The following SLC38A7 variants were observed in gnomAD, a reference collection of about 807,000 sequenced individuals.
SLC38A7 encodes sodium-coupled neutral amino acid transporter 7.
In SLC38A7, 29 loss-of-function variants were observed where a neutral mutation model predicts 50.1. The observed-to-expected ratio is 0.58, with a 90% CI of 0.43 to 0.79. The LOEUF (loss-of-function observed/expected upper bound fraction) is 0.79, where lower values mean the gene tolerates loss of function less well. SLC38A7 is among the 30% of genes least tolerant of loss of function. SLC38A7 has a pLI of 0.00. For synonymous variants in SLC38A7, 244 were observed against 245.9 expected, an observed-to-expected ratio of 0.99 and a Z score of 0.07; for missense variants, 483 against 610.6, an observed-to-expected ratio of 0.79 and a Z score of 2.20.
In SLC38A7 at chr16:58,680,153, G is replaced by A. The variant is rs1335456548; in HGVS notation, c.-27C>T. Reference sequence around the variant, plus strand: ...GCCCCGAGAGCCTTCTTCCTGCAAGGTCTGTGGGTTCTGCCTTACAACCAC... The same window carrying A: ...GCCCCGAGAGCCTTCTTCCTGCAAGATCTGTGGGTTCTGCCTTACAACCAC... On this transcript the variant is annotated 5_prime_UTR_variant, in exon 3 of 12. Transcript: ENST00000219320. The A allele has an allele frequency of 2.6e-6, 4 of 1,509,546 alleles. No individual in the cohort carries two copies. In the African/African-American group the frequency reaches 4.2e-5, roughly 16 times the overall value. 93.5% of individuals were successfully genotyped at this position (1,509,546 alleles called of 1,614,324 possible).
intron 6 of SLC38A7, among the ~76,000 whole-genome samples, chr16:58,676,810 C>G (rs940287482): frequency 6.6e-6 from 1 of 152,032 alleles, no homozygotes; most frequent in East Asian, 1.9e-4. Flanking sequence ...TGCCACCACA[C>G]CCGGCTAATT....
chr16:58,667,604 T>C (rs951555013), intron 11 of SLC38A7, 117 bp from the exon 12 acceptor site: 30 of 747,940 alleles, frequency 4.0e-5, no homozygotes, highest in Admixed American at 6.7e-5. Flanking sequence ...GGTAGAGCAC[T>C]TCCTACTTCC....
chr16:58,669,304 G>A (rs1389921289), intron 11 of SLC38A7, among the ~76,000 whole-genome samples: 2 of 150,208 alleles, frequency 1.3e-5, no homozygotes, highest in Non-Finnish European at 3.0e-5. Flanking sequence ...TAGTAGAGAT[G>A]GGGTTTCACC....
chr16:58,672,304 C>G, intron 8 of SLC38A7, 61 bp from the exon 9 acceptor site: 1 of 1,514,508 alleles, frequency 6.6e-7, no homozygotes, highest in Non-Finnish European at 8.9e-7. Context: ...GGACTGTCCA[C>G]TCCTCCTAGG....
chr16:58,677,918 CT>C (rs1317675209), intron 5 of SLC38A7, among the ~76,000 whole-genome samples: 1 of 151,998 alleles, frequency 6.6e-6, no homozygotes, highest in Non-Finnish European at 1.5e-5. Flanking sequence ...ATCCCACAGC[CT>C]TTCAGACACC....
chr16:58,678,505 C>T lies in SLC38A7; in HGVS notation c.470-31G>A. 6.5e-7 allele frequency: 1 copy of T among 1,543,864 alleles called. No individual in the cohort carries two copies. Among genetic ancestry groups the T allele is most frequent in the Non-Finnish European group, 8.8e-7 (1 of 1,142,520 alleles). ...CAGGGAGGAAGGAGGGAATGTCAAG[C>T]CAGGCCACCATGGGGTGTGGCCCTC... On this transcript the variant is annotated intron_variant, in intron 4 of 11. Transcript: ENST00000219320. This position sits in a 1 kb window ranked among gnomAD's most constrained non-coding sequence, Gnocchi z 4.0.
rs2044292260 is a variant in SLC38A7, at chr16:58,677,400, C to G, written c.636G>C (p.Trp212Cys). The G allele has an allele frequency of 1.9e-6, 3 of 1,614,066 alleles. No homozygotes were observed. The East Asian group carries it at 6.7e-5, about 36-fold the overall frequency. The part of the protein sequence containing the change: ...YASFLSVVGT[W>C]YVTAIVIIKY... ...TGATGATAACGATGGCTGTGACGTA[C>G]CAGGTACCCACGACGCTCAGGAAGC... Residue 212 changes from tryptophan (W) to cysteine (C), a missense_variant, in exon 6 of 12, where the codon TGG (tryptophan) becomes TGC (cysteine). Trp to Cys is a radical substitution (Grantham distance 215). Coordinates refer to ENST00000219320, the MANE Select transcript of SLC38A7 (RefSeq NM_018231.3).
chr16:58,680,324 T>A, intron 2 of SLC38A7, 83 bp from the exon 3 acceptor site: 1 of 546,618 alleles, frequency 1.8e-6, no homozygotes, highest in Non-Finnish European at 2.9e-6. Context: ...TTTCCCAAGA[T>A]CACATGGGTA....
Position 58,670,106 on chromosome 16 carries a change from G to T in SLC38A7, c.1286+7C>A, listed in dbSNP as rs193118912. ...CTGAGAGGATCAAGGGCTGGGTCCT[G>T]CTTTACCTGGCTGGTTTGACCTCTT... On this transcript the variant is annotated splice_region_variant and intron_variant, in intron 11 of 11. Coordinates refer to ENST00000219320, the MANE Select transcript of SLC38A7 (RefSeq NM_018231.3). 6 of 1,614,024 alleles carry T rather than the reference G, an allele frequency of 3.7e-6. No homozygotes were observed. In the Admixed American group the frequency reaches 5.0e-5, roughly 13 times the overall value.
Position 58,671,242 on chromosome 16 carries a change from G to T in SLC38A7, c.1034C>A (p.Ala345Glu), listed in dbSNP as rs778140612. Residue 345 changes from alanine to glutamate, a missense_variant and splice_region_variant, in exon 10 of 12, where the codon GCG becomes GAG. Transcript: ENST00000219320. ...SYPILHFCGRAVVEGLWLRYQ... is the reference protein window; with the variant it reads ...SYPILHFCGREVVEGLWLRYQ... ...GCGCAGCCACAGGCCTTCCACCACC[G>T]CCCTGCCCACATGGAGAAGGGCTTA... 5.6e-6 allele frequency: 9 copies of T among 1,613,390 alleles called. No individual in the cohort carries two copies. The highest frequency in any genetic ancestry group is 7.6e-6 in the Non-Finnish European group (9 of 1,179,694).
At position 58,675,929 on chromosome 16, in the gene SLC38A7, G is replaced by A. The variant is rs755543177; in HGVS notation, c.883+11C>T. On this transcript the variant is annotated intron_variant, in intron 8 of 11. Coordinates refer to ENST00000219320, the MANE Select transcript of SLC38A7 (RefSeq NM_018231.3). ...CTCTAGTCCCAGGTCTTGGGGGGGG[G>A]GAGCACTCACCTGTCCCCATGTAGA... is the stretch of plus-strand genomic sequence containing the variant. 21 of 1,577,938 alleles carry A rather than the reference G, an allele frequency of 1.3e-5. 1 individual carries two copies. In the South Asian group the frequency reaches 2.3e-4, roughly 17 times the overall value.
At chr16:58,669,817 A>G (rs368331531) in intron 11 of SLC38A7, among the ~76,000 whole-genome samples, 2 of 143,692 alleles carry the variant, frequency 1.4e-5, no homozygotes, top group African/African-American at 5.2e-5. Context: ...TCTACTAAAA[A>G]TACAAAAATT....
chr16:58,683,824 G>C (rs2044440136), intron 2 of SLC38A7, 131 bp downstream of exon 2: 1 of 152,388 alleles, frequency 6.6e-6, no homozygotes, highest in African/African-American at 2.4e-5. Flanking sequence ...CCACATGAGA[G>C]TGCAGGCTGG....
chr16:58,671,782 T>TATTATTCAAAA, intron 9 of SLC38A7: 1 of 233,952 alleles, frequency 4.3e-6, no homozygotes, highest in Non-Finnish European at 8.3e-6. Context: ...GTTGCCCAGG[T>TATTATTCAAAA]GGTCTTGAAC....
At chr16:58,672,607 T>C (rs903112090) in intron 8 of SLC38A7, among the ~76,000 whole-genome samples, 1 of 152,180 alleles carries the variant, frequency 6.6e-6, no homozygotes, top group African/African-American at 2.4e-5. Context: ...CCATCTACAA[T>C]GACCCCCACC....
intron 9 of SLC38A7, 48 bp downstream of exon 9, chr16:58,672,048 G>A: frequency 6.7e-7 from 1 of 1,486,912 alleles, no homozygotes. Context: ...CATGTTGGAA[G>A]CGCTCACAGG....
At chr16:58,673,646 G>A (rs1184530460) in intron 8 of SLC38A7, among the ~76,000 whole-genome samples, 1 of 150,818 alleles carries the variant, frequency 6.6e-6, no homozygotes, top group African/African-American at 2.4e-5. Flanking sequence ...TCACAGGCGT[G>A]AGCCCCAGTG....
intron 1 of SLC38A7, 166 bp from the exon 2 acceptor site, chr16:58,684,344 G>C (rs1241134840): frequency 6.6e-6 from 1 of 152,414 alleles, no homozygotes; most frequent in Non-Finnish European, 1.5e-5. Flanking sequence ...CCTGGGGTTG[G>C]AGCCCTGAGA....
rs368813596 is a variant in SLC38A7, at chr16:58,678,516, T to C, written c.470-42A>G. ...GAGGGAATGTCAAGCCAGGCCACCATGGGGTGTGGCCCTCCTGCTCTGCTG... is the reference window on the plus strand; with the variant it reads ...GAGGGAATGTCAAGCCAGGCCACCACGGGGTGTGGCCCTCCTGCTCTGCTG... On this transcript the variant is annotated intron_variant, in intron 4 of 11. Transcript: ENST00000219320. This position sits in a 1 kb window ranked among gnomAD's most constrained non-coding sequence, Gnocchi z 4.0. The C allele has an allele frequency of 1.2e-5, 18 of 1,547,074 alleles. No individual in the cohort carries two copies. The highest frequency in any genetic ancestry group is 1.1e-4 in the African/African-American group (8 of 73,304).
Sources: allele counts gnomAD v4.1 joint callset (sites outside exome capture counted in the v4.1 genomes callset), GRCh38; gene constraint gnomAD v4.1.1; non-coding constraint Gnocchi (gnomAD v3.1); transcripts MANE v1.5; gene names NCBI Gene and HGNC (gene_info 2026-07-23, HGNC 2026-07-21).